SLC26A7: variants seen among roughly 807,000 people sequenced by gnomAD.
SLC26A7 encodes the protein solute carrier family 26 member 7, also known as anion exchange transporter.
A neutral mutation model predicts 82.5 loss-of-function variants in SLC26A7; 59 were observed. That is an observed-to-expected ratio of 0.72 (90% CI 0.58 to 0.89). The LOEUF (loss-of-function observed/expected upper bound fraction) is 0.89, where lower values mean the gene tolerates loss of function less well. SLC26A7 is among the 40% of genes least tolerant of loss of function. SLC26A7 has a pLI of 0.00. For missense variants in SLC26A7, 820 were observed against 793.0 expected (o/e 1.03, Z -0.41); for synonymous variants, 271 against 274.3 (o/e 0.99, Z 0.12).
At chr8:91,247,071 G>C (rs1190395562), upstream of SLC26A7, among the ~76,000 whole-genome samples, 1 of 152,160 alleles carries the variant, frequency 6.6e-6, no homozygotes, top group African/African-American at 2.4e-5. Flanking sequence ...TAGAAGGTGG[G>C]AAGGGGAGCA....
At chr8:91,209,832 T>C (rs2130642632) in intron 1 of SLC26A7, among the ~76,000 whole-genome samples, 1 of 152,336 alleles carries the variant, frequency 6.6e-6, no homozygotes, top group East Asian at 1.9e-4. Flanking sequence ...TGAAAGGTTT[T>C]AAACAACTAG....
At chr8:91,346,870 G>A (rs1813577767) in intron 9 of SLC26A7, among the ~76,000 whole-genome samples, 1 of 152,140 alleles carries the variant, frequency 6.6e-6, no homozygotes, top group African/African-American at 2.4e-5. Flanking sequence ...CTTTGAGGCT[G>A]CCTTTCCCTT....
intron 15 of SLC26A7, among the ~76,000 whole-genome samples, chr8:91,373,266 T>C (rs954640480): frequency 3.3e-5 from 5 of 152,024 alleles, no homozygotes; most frequent in East Asian, 1.9e-4. Flanking sequence ...CTATGTTGAA[T>C]AGGAGTGGTG....
intron 2 of SLC26A7, among the ~76,000 whole-genome samples, chr8:91,252,852 T>C (rs1028707289): frequency 8.5e-5 from 13 of 152,128 alleles, no homozygotes; most frequent in African/African-American, 3.1e-4. Context: ...GTAAAAGTCA[T>C]GTATGATCCT....
chr8:91,327,599 T>C (rs1448082137), intron 5 of SLC26A7, among the ~76,000 whole-genome samples: 1 of 152,184 alleles, frequency 6.6e-6, no homozygotes, highest in African/African-American at 2.4e-5. Context: ...CCATTGTTTC[T>C]GGAGATAGTT....
intron 1 of SLC26A7, among the ~76,000 whole-genome samples, chr8:91,211,029 C>T (rs555627419): frequency 6.6e-6 from 1 of 152,098 alleles, no homozygotes; most frequent in East Asian, 1.9e-4. Context: ...AAAGCAGCAG[C>T]AATGAACTGA....
chr8:91,386,379 C>G (rs533552477), intron 15 of SLC26A7, among the ~76,000 whole-genome samples: 1 of 151,900 alleles, frequency 6.6e-6, no homozygotes, highest in East Asian at 1.9e-4. Context: ...ATTTTTTCTA[C>G]GGAAATTTTT....
At chr8:91,351,584 A>G (rs1813717073) in intron 9 of SLC26A7, among the ~76,000 whole-genome samples, 1 of 152,158 alleles carries the variant, frequency 6.6e-6, no homozygotes, top group Non-Finnish European at 1.5e-5. Context: ...CTTTTCTCTC[A>G]TCACTGACTT....
At chr8:91,242,593 A>T (rs2130687087) in intron 2 of SLC26A7, among the ~76,000 whole-genome samples, 1 of 152,298 alleles carries the variant, frequency 6.6e-6, no homozygotes, top group African/African-American at 2.4e-5. Flanking sequence ...GGTGGCAATG[A>T]TACCCTTATA....
chr8:91,359,338 A>G (rs945524978), intron 11 of SLC26A7, among the ~76,000 whole-genome samples: 11 of 152,350 alleles, frequency 7.2e-5, no homozygotes, highest in African/African-American at 2.2e-4. Flanking sequence ...GTTTCCGATT[A>G]TAGTGTATTG....
Position 91,396,305 on chromosome 8 carries a change from CT to C in SLC26A7, c.*1212del, listed in dbSNP as rs1439684404. 1 of 151,952 alleles carries C rather than the reference CT, an allele frequency of 6.6e-6. No individual in the cohort carries two copies. The highest frequency in any genetic ancestry group is 1.5e-5 in the Non-Finnish European group (1 of 67,896). 9.4% of individuals were successfully genotyped at this position (151,952 alleles called of 1,614,324 possible). A position where few individuals can be genotyped will look rare whatever the true frequency, so the allele number is the denominator to read the frequency against. ...GCATAGACACATAATTATGCTTAAG[CT>C]TTTAACAGCATTTTAACCGCTCTAA... On this transcript the variant is annotated 3_prime_UTR_variant, in exon 19 of 19. Coordinates refer to ENST00000276609, the MANE Select transcript of SLC26A7 (RefSeq NM_052832.4).
chr8:91,289,631 C>T (rs746790156), intron 3 of SLC26A7, among the ~76,000 whole-genome samples: 5 of 148,356 alleles, frequency 3.4e-5, no homozygotes, highest in East Asian at 2.0e-4. Flanking sequence ...AGTGACAGAG[C>T]GAGACTCTGT....
At chr8:91,288,164 A>G (rs1395248239) in intron 2 of SLC26A7, among the ~76,000 whole-genome samples, 1 of 152,182 alleles carries the variant, frequency 6.6e-6, no homozygotes, top group African/African-American at 2.4e-5. Flanking sequence ...AATATTATTG[A>G]TATTAGAATC....
intron 2 of SLC26A7, among the ~76,000 whole-genome samples, chr8:91,282,705 C>T (rs1184179690): frequency 6.6e-6 from 1 of 152,180 alleles, no homozygotes; most frequent in Non-Finnish European, 1.5e-5. Flanking sequence ...CACCCTGAAT[C>T]TCAGGTAAGT....
intron 9 of SLC26A7, among the ~76,000 whole-genome samples, chr8:91,346,239 C>A (rs1284052531): frequency 6.6e-6 from 1 of 152,064 alleles, no homozygotes; most frequent in Non-Finnish European, 1.5e-5. Flanking sequence ...GGGAAAGAAT[C>A]TAATTTAATG....
intron 2 of SLC26A7, among the ~76,000 whole-genome samples, chr8:91,229,545 T>C (rs1033205270): frequency 6.6e-6 from 1 of 152,222 alleles, no homozygotes; most frequent in African/African-American, 2.4e-5. Context: ...CATCAGTCTA[T>C]CTTATTTTTT....
At chr8:91,268,357 G>A (rs1015475554) in intron 2 of SLC26A7, among the ~76,000 whole-genome samples, 2 of 151,636 alleles carry the variant, frequency 1.3e-5, no homozygotes, top group African/African-American at 4.8e-5. Flanking sequence ...TAGCCTCTTG[G>A]TATATTGACC....
chr8:91,267,450 C>A (rs1047538827), intron 2 of SLC26A7, among the ~76,000 whole-genome samples: 2 of 151,804 alleles, frequency 1.3e-5, no homozygotes, highest in Non-Finnish European at 2.9e-5. Context: ...AATTATTGGT[C>A]TGTTCAGGTT....
chr8:91,318,335 G>T lies in SLC26A7; in HGVS notation c.597G>T (p.Leu199Phe). 1 of 1,611,992 alleles carries T rather than the reference G, an allele frequency of 6.2e-7. No individual in the cohort carries two copies. Among genetic ancestry groups the T allele is most frequent in the Non-Finnish European group, 8.5e-7 (1 of 1,178,962 alleles). ...TGACTTCACAAGTCAAATATCTCTT[G>T]GGAATGAAAATGCCATATATATCCG... ...HVVTSQVKYL[L>F]GMKMPYISGP... The change falls in exon 5 of 19, where the codon TTG becomes TTT. Residue 199 changes from leucine to phenylalanine, a missense_variant. By Grantham distance (22) the Leu-to-Phe change is conservative. Transcript: ENST00000276609.
Sources: allele counts gnomAD v4.1 joint callset (sites outside exome capture counted in the v4.1 genomes callset), GRCh38; gene constraint gnomAD v4.1.1; transcripts MANE v1.5; gene names NCBI Gene and HGNC (gene_info 2026-07-23, HGNC 2026-07-21).